The following SHISA5 variants were observed in gnomAD, a reference collection of about 807,000 sequenced individuals.
The protein encoded by SHISA5 is shisa family member 5, also known as protein shisa-5.
A neutral mutation model predicts 27.5 loss-of-function variants in SHISA5; 21 were observed. The observed-to-expected ratio is 0.76, with a 90% CI of 0.54 to 1.10. The LOEUF (loss-of-function observed/expected upper bound fraction) is 1.10. SHISA5 is among the 50% of genes least tolerant of loss of function. The pLI, the probability that SHISA5 is intolerant of heterozygous loss-of-function variation, is 0.00. For missense variants in SHISA5, 314 were observed against 336.3 expected (o/e 0.93, Z 0.52); for synonymous variants, 137 against 142.2 (o/e 0.96, Z 0.26).
In SHISA5 at chr3:48,469,947, A is replaced by T. The variant is rs1030010772; in HGVS notation, c.315-104T>A. 11 of 1,431,454 alleles carry T rather than the reference A, an allele frequency of 7.7e-6. No individual in the cohort carries two copies. The African/African-American group carries it at 1.6e-4, about 20-fold the overall frequency. The allele number at this position is 1,431,454 out of a possible 1,614,324, so 88.7% of individuals were successfully genotyped here. ...TCTTGCCAGAAGGGGTCTGGGCAAT[A>T]CAGTTATAGCTACTTCCTTGTCGGG... On this transcript the variant is annotated intron_variant, in intron 3 of 5. Coordinates refer to ENST00000296444, the MANE Select transcript of SHISA5 (RefSeq NM_016479.6). This position sits in a 1 kb window ranked among gnomAD's most constrained non-coding sequence, Gnocchi z 4.6.
At chr3:48,481,333 G>A (rs1036945579) in intron 2 of SHISA5, among the ~76,000 whole-genome samples, 53 of 151,918 alleles carry the variant, frequency 3.5e-4, no homozygotes, top group Admixed American at 1.0e-3. Context: ...CCAGCTACTC[G>A]GGAGGCTGAG....
intron 1 of SHISA5, 112 bp from the exon 2 acceptor site, chr3:48,501,405 G>A (rs541057304): frequency 8.4e-5 from 105 of 1,245,412 alleles, no homozygotes; most frequent in Non-Finnish European, 1.1e-4. Context: ...ATGCTGCACC[G>A]TCTCTGAGCC....
intron 2 of SHISA5, among the ~76,000 whole-genome samples, chr3:48,488,216 G>A (rs1020775184): frequency 4.7e-5 from 7 of 150,090 alleles, no homozygotes; most frequent in African/African-American, 1.7e-4. Flanking sequence ...TAGTGTTGAA[G>A]GAGCAGCTTG....
intron 2 of SHISA5, among the ~76,000 whole-genome samples, chr3:48,490,619 A>C (rs2041393501): frequency 6.6e-6 from 1 of 152,184 alleles, no homozygotes; most frequent in South Asian, 2.1e-4. Context: ...CAAATCATAA[A>C]TTCTCATCAA....
rs538334063 is a variant in SHISA5 at position 48,498,513 on chromosome 3, C to T, written c.233+2624G>A. Among the ~76,000 whole-genome samples, 6 of 151,826 alleles carry T rather than the reference C, an allele frequency of 4.0e-5. No homozygotes were observed. The South Asian group carries it at 1.0e-3, about 26-fold the overall frequency. On this transcript the variant is annotated intron_variant, in intron 2 of 5. Coordinates refer to ENST00000296444, the MANE Select transcript of SHISA5 (RefSeq NM_016479.6). ...ACCAACCTGGGCAACACAGTGAAAC[C>T]CTGTCTCTACTAAAATACAAAAAAT...
rs915809573 is a variant in SHISA5 at position 48,492,438 on chromosome 3, C to A, written c.233+8699G>T. 2.5e-4 allele frequency among the ~76,000 whole-genome samples: 37 copies of A among 148,146 alleles called. 6 individuals carry two copies. The highest frequency in any genetic ancestry group is 9.8e-4 in the African/African-American group (37 of 37,874). On this transcript the variant is annotated intron_variant, in intron 2 of 5. Transcript: ENST00000296444. ...TGAGCCGAGATCGGGCCACTGCAGTCCCGCCTGGGTGAAAGAGCGAGACTC... is the reference window on the plus strand; with the variant it reads ...TGAGCCGAGATCGGGCCACTGCAGTACCGCCTGGGTGAAAGAGCGAGACTC...
At chr3:48,496,592 G>C (rs540027254) in intron 2 of SHISA5, among the ~76,000 whole-genome samples, 15 of 151,852 alleles carry the variant, frequency 9.9e-5, no homozygotes, top group African/African-American at 3.1e-4. Flanking sequence ...AATTTAGCTG[G>C]GCGAGGTGGC....
intron 2 of SHISA5, among the ~76,000 whole-genome samples, chr3:48,481,940 G>C (rs1484350047): frequency 2.0e-5 from 3 of 150,874 alleles, no homozygotes; most frequent in African/African-American, 7.3e-5. Flanking sequence ...GTGGTGGCGG[G>C]CACCTGTAGT....
intron 2 of SHISA5, among the ~76,000 whole-genome samples, chr3:48,489,195 ATT>A (rs11293006): frequency 0.093 from 12,014 of 129,840 alleles, 819 homozygotes; most frequent in African/African-American, 0.22. Context: ...ACATTATGAG[ATT>A]TTTTTTTTTT....
intron 2 of SHISA5, among the ~76,000 whole-genome samples, chr3:48,492,405 G>A (rs1490688159): frequency 6.7e-6 from 1 of 148,582 alleles, no homozygotes; most frequent in Non-Finnish European, 1.5e-5. Context: ...GGGAGGCGGA[G>A]CTTGCAGTGA....
At position 48,469,272 on chromosome 3, in the gene SHISA5, T is replaced by G; in HGVS notation, c.644-86A>C. On this transcript the variant is annotated intron_variant, in intron 5 of 5. Transcript: ENST00000296444. The surrounding 1 kb of genome is among the most constrained non-coding windows in gnomAD (Gnocchi z 4.6). ...GCAAGCAGAAAGGGGCAGAGGCCTG[T>G]TGAGTGATGTAGTTTGGGATGGGTG... The G allele has an allele frequency of 6.3e-7, 1 of 1,577,812 alleles. No homozygotes were observed. Among genetic ancestry groups the G allele is most frequent in the Non-Finnish European group, 8.6e-7 (1 of 1,162,450 alleles).
chr3:48,486,398 T>TTATATATTATAC (rs2041235954), intron 2 of SHISA5, among the ~76,000 whole-genome samples: 1 of 96,820 alleles, frequency 1.0e-5, no homozygotes, highest in African/African-American at 4.5e-5. Flanking sequence ...ATATAATGTA[T>TTATATATTATAC]AATATATAAT....
At position 48,469,930 on chromosome 3, in the gene SHISA5, G is replaced by GCTAT; in HGVS notation, c.315-88_315-87insATAG. On this transcript the variant is annotated intron_variant, in intron 3 of 5. Coordinates refer to ENST00000296444, the MANE Select transcript of SHISA5 (RefSeq NM_016479.6). The surrounding 1 kb of genome is among the most constrained non-coding windows in gnomAD (Gnocchi z 4.6). Reference sequence around the variant, plus strand: ...TTCCCAAGGCATGCCCCTCTTGCCAGAAGGGGTCTGGGCAATACAGTTATA... The same window carrying GCTAT: ...TTCCCAAGGCATGCCCCTCTTGCCAGCTATAAGGGGTCTGGGCAATACAGTTATA... The GCTAT allele has an allele frequency of 6.6e-7, 1 of 1,514,806 alleles. No individual in the cohort carries two copies. The allele number at this position is 1,514,806 out of a possible 1,614,324, so 93.8% of individuals were successfully genotyped here.
chr3:48,503,274 G>T, intron 1 of SHISA5: 1 of 873,958 alleles, frequency 1.1e-6, no homozygotes, highest in Non-Finnish European at 1.6e-6. Context: ...CTGAATCAGT[G>T]ACCGACCCTC....
Position 48,470,789 on chromosome 3 carries a change from C to T in SHISA5, c.315-946G>A, listed in dbSNP as rs187370645. Among the ~76,000 whole-genome samples the T allele has an allele frequency of 6.6e-6, 1 of 151,968 alleles. No homozygotes were observed. Among genetic ancestry groups the T allele is most frequent in the African/African-American group, 2.4e-5 (1 of 41,396 alleles). On this transcript the variant is annotated intron_variant, in intron 3 of 5. Transcript: ENST00000296444. The surrounding 1 kb of genome is among the most constrained non-coding windows in gnomAD (Gnocchi z 4.3). The stretch of plus-strand genomic sequence containing the variant: ...TAAAAATACAAAAATTAGTCGGGCA[C>T]GGTGGCGGGTGCCTGTAATCCCAGC...
rs957756853 is a variant in SHISA5 at position 48,494,541 on chromosome 3, C to A, written c.233+6596G>T. The stretch of plus-strand genomic sequence containing the variant: ...ATCTCCTGACCTCGTGATCCACCCC[C>A]CCTTGGCCTCCCAAAGTGCTGGGAT... On this transcript the variant is annotated intron_variant, in intron 2 of 5. Transcript: ENST00000296444. Among the ~76,000 whole-genome samples the A allele has an allele frequency of 6.8e-5, 10 of 147,306 alleles. 1 individual carries two copies. The highest frequency in any genetic ancestry group is 2.2e-4 in the African/African-American group (8 of 37,158).
chr3:48,497,959 A>G (rs1381752378), intron 2 of SHISA5, among the ~76,000 whole-genome samples: 1 of 152,180 alleles, frequency 6.6e-6, no homozygotes, highest in African/African-American at 2.4e-5. Context: ...TGATGTCTCA[A>G]CAGAAACAAT....
chr3:48,472,235 C>T (rs1410243706), intron 3 of SHISA5, among the ~76,000 whole-genome samples: 1 of 151,542 alleles, frequency 6.6e-6, no homozygotes, highest in Non-Finnish European at 1.5e-5. Flanking sequence ...TGCCTGTAAT[C>T]CTAACACTTT....
chr3:48,488,662 C>T (rs1182204278), intron 2 of SHISA5, among the ~76,000 whole-genome samples: 7 of 150,818 alleles, frequency 4.6e-5, no homozygotes, highest in East Asian at 2.0e-4. Context: ...GGAGAAACCC[C>T]GTCTCTACTA....
Sources: gnomAD v4.1 joint callset for allele counts (sites outside exome capture counted in the v4.1 genomes callset) on GRCh38, gnomAD v4.1.1 for gene constraint, Gnocchi (gnomAD v3.1) non-coding constraint, MANE v1.5 for transcripts, NCBI Gene and HGNC (gene_info 2026-07-23, HGNC 2026-07-21) for gene names.